SPOCK1: variants seen among roughly 807,000 people sequenced by gnomAD.
SPOCK1 encodes SPARC (osteonectin), cwcv and kazal like domains proteoglycan 1.
SPOCK1 carries 23 observed loss-of-function variants against 55.3 expected under a neutral mutation model. That is an observed-to-expected ratio of 0.42 (90% CI 0.30 to 0.59). The LOEUF is 0.59. Ranked by LOEUF, SPOCK1 falls within the 20% of genes least tolerant of loss-of-function variation. The pLI is 0.22. For missense variants in SPOCK1, 499 were observed against 552.5 expected (o/e 0.90, Z 0.97); for synonymous variants, 226 against 221.0 (o/e 1.02, Z -0.20).
At chr5:137,285,049 G>A (rs895403730) in intron 2 of SPOCK1, among the ~76,000 whole-genome samples, 2 of 152,172 alleles carry the variant, frequency 1.3e-5, no homozygotes, top group Admixed American at 1.3e-4. Flanking sequence ...CCCACAGTTC[G>A]ATATGTGAAT....
chr5:137,172,098 C>T (rs913438845), intron 3 of SPOCK1, among the ~76,000 whole-genome samples: 7 of 152,196 alleles, frequency 4.6e-5, no homozygotes, highest in Admixed American at 1.3e-4. Context: ...ACCCCTTCCA[C>T]CAAACAATGC....
chr5:137,475,103 C>T (rs1753810193), intron 2 of SPOCK1, among the ~76,000 whole-genome samples: 1 of 152,152 alleles, frequency 6.6e-6, no homozygotes, highest in African/African-American at 2.4e-5. Context: ...AACAGTGAGA[C>T]AAGGCGGCAT....
chr5:137,379,934 C>T (rs751198329), intron 2 of SPOCK1, among the ~76,000 whole-genome samples: 2 of 152,236 alleles, frequency 1.3e-5, no homozygotes, highest in Non-Finnish European at 2.9e-5. Flanking sequence ...AATTCCCCTG[C>T]ACAGACTGAA....
At chr5:137,238,872 T>A (rs1756232729) in intron 3 of SPOCK1, among the ~76,000 whole-genome samples, 3 of 152,236 alleles carry the variant, frequency 2.0e-5, no homozygotes, top group African/African-American at 7.2e-5. Context: ...TAAAAAGTGA[T>A]TGATAGTGAG....
intron 7 of SPOCK1, among the ~76,000 whole-genome samples, chr5:136,989,571 A>G (rs1443236564): frequency 2.0e-5 from 3 of 152,344 alleles, no homozygotes; most frequent in African/African-American, 7.2e-5. Context: ...GAATCCTTGT[A>G]ACAGTCCTAT....
chr5:137,302,962 T>G (rs1158686085), intron 2 of SPOCK1, among the ~76,000 whole-genome samples: 2 of 152,186 alleles, frequency 1.3e-5, no homozygotes, highest in African/African-American at 4.8e-5. Context: ...ATTTTATTAT[T>G]TAATCTTCAT....
At chr5:137,343,510 A>G (rs1373093014) in intron 2 of SPOCK1, among the ~76,000 whole-genome samples, 1 of 152,190 alleles carries the variant, frequency 6.6e-6, no homozygotes, top group Non-Finnish European at 1.5e-5. Context: ...CCTGTGGAAG[A>G]GCCTTGCAGA....
intron 2 of SPOCK1, among the ~76,000 whole-genome samples, chr5:137,289,164 G>A (rs1221325157): frequency 6.6e-6 from 1 of 152,206 alleles, no homozygotes; most frequent in Non-Finnish European, 1.5e-5. Flanking sequence ...GTCAAAATGA[G>A]TTAATCCATG....
intron 3 of SPOCK1, among the ~76,000 whole-genome samples, chr5:137,203,201 T>A (rs1004685961): frequency 6.6e-6 from 1 of 152,090 alleles, no homozygotes; most frequent in Admixed American, 6.6e-5. Context: ...ACTGACACCA[T>A]GGACATGAGT....
chr5:137,341,348 T>A (rs1750419130), intron 2 of SPOCK1, among the ~76,000 whole-genome samples: 1 of 152,238 alleles, frequency 6.6e-6, no homozygotes, highest in Non-Finnish European at 1.5e-5. Flanking sequence ...GAGACTTTAC[T>A]CTTCATAAGT....
chr5:137,077,264 CT>C (rs1752788025), intron 5 of SPOCK1, among the ~76,000 whole-genome samples: 1 of 152,222 alleles, frequency 6.6e-6, no homozygotes, highest in Non-Finnish European at 1.5e-5. Flanking sequence ...TCACTTCTCC[CT>C]AGTCCAGTGC....
intron 3 of SPOCK1, among the ~76,000 whole-genome samples, chr5:137,220,436 C>T (rs188466104): frequency 9.6e-4 from 146 of 152,282 alleles, no homozygotes; most frequent in Non-Finnish European, 1.2e-3. Flanking sequence ...TATTATCACA[C>T]GCAAGGAACT....
At chr5:137,059,889 G>A (rs752671110) in intron 6 of SPOCK1, among the ~76,000 whole-genome samples, 3 of 152,026 alleles carry the variant, frequency 2.0e-5, no homozygotes, top group Non-Finnish European at 2.9e-5. Flanking sequence ...ATATCAAAAC[G>A]ACAATGAAAT....
At chr5:137,354,165 C>T (rs568719678) in intron 2 of SPOCK1, among the ~76,000 whole-genome samples, 18 of 152,300 alleles carry the variant, frequency 1.2e-4, no homozygotes, top group Admixed American at 6.5e-4. Flanking sequence ...TCCACTGCTG[C>T]GGGAAACCCA....
At chr5:137,450,392 C>G (rs892591891) in intron 2 of SPOCK1, among the ~76,000 whole-genome samples, 41 of 152,280 alleles carry the variant, frequency 2.7e-4, no homozygotes, top group Middle Eastern at 3.4e-3. Context: ...CCAGTGCATG[C>G]AAATCTGCTC....
intron 7 of SPOCK1, 23 bp downstream of exon 7, chr5:136,992,461 T>C: frequency 1.3e-6 from 2 of 1,552,708 alleles, no homozygotes; most frequent in Non-Finnish European, 1.8e-6. Flanking sequence ...ATTGAGGAAA[T>C]GTGATATTTA....
intron 10 of SPOCK1, 73 bp downstream of exon 10, chr5:136,979,259 A>C (rs570244465): frequency 5.6e-5 from 89 of 1,581,466 alleles, no homozygotes; most frequent in East Asian, 4.5e-4. Context: ...ATTCTTCTGC[A>C]GAGATCCTTA....
intron 2 of SPOCK1, among the ~76,000 whole-genome samples, chr5:137,378,091 T>G (rs576346529): frequency 1.3e-5 from 2 of 152,082 alleles, no homozygotes; most frequent in African/African-American, 4.8e-5. Flanking sequence ...ATTACAGGCA[T>G]GCACCACCAC....
At chr5:137,063,737 T>G (rs984104964) in intron 6 of SPOCK1, among the ~76,000 whole-genome samples, 1 of 152,160 alleles carries the variant, frequency 6.6e-6, no homozygotes, top group South Asian at 2.1e-4. Context: ...CTGAGACAGG[T>G]GGGGAGCCCT....
Sources: gnomAD v4.1 joint callset for allele counts (sites outside exome capture counted in the v4.1 genomes callset) on GRCh38, gnomAD v4.1.1 for gene constraint, MANE v1.5 for transcripts, NCBI Gene and HGNC (gene_info 2026-07-23, HGNC 2026-07-21) for gene names.